The following AUTS2 variants were observed in gnomAD, a reference collection of about 807,000 sequenced individuals.
AUTS2 encodes autism susceptibility gene 2 protein.
Under a neutral mutation model 112.4 loss-of-function variants are expected in AUTS2, and 17 were observed. The ratio of observed to expected loss-of-function variants is 0.15; its 90% confidence interval spans 0.10 to 0.23. AUTS2 has a LOEUF of 0.23. Ranked by LOEUF, AUTS2 falls within the 10% of genes least tolerant of loss-of-function variation. AUTS2 has a pLI of 1.00. For missense variants in AUTS2, 1,510 were observed against 1,701.6 expected (o/e 0.89, Z 1.98); for synonymous variants, 751 against 702.7 (o/e 1.07, Z -1.09).
At chr7:70,498,756 C>A (rs1247453992) in intron 5 of AUTS2, among the ~76,000 whole-genome samples, 1 of 152,122 alleles carries the variant, frequency 6.6e-6, no homozygotes, top group Non-Finnish European at 1.5e-5. Context: ...AGGGGAACAC[C>A]AGAATGCTTG....
chr7:70,253,625 G>T (rs913652241), intron 4 of AUTS2, among the ~76,000 whole-genome samples: 1 of 152,168 alleles, frequency 6.6e-6, no homozygotes, highest in African/African-American at 2.4e-5. Context: ...CATGCCTCTA[G>T]TGAAACTACC....
At chr7:69,947,060 C>T (rs888322278) in intron 2 of AUTS2, among the ~76,000 whole-genome samples, 11 of 152,174 alleles carry the variant, frequency 7.2e-5, no homozygotes, top group Admixed American at 6.5e-5. Flanking sequence ...GTGTTACCAG[C>T]AGTGCTTGTT....
intron 6 of AUTS2, among the ~76,000 whole-genome samples, chr7:70,748,466 G>T (rs1308726919): frequency 6.6e-6 from 1 of 152,162 alleles, no homozygotes; most frequent in Non-Finnish European, 1.5e-5. Context: ...CATGGCTGGG[G>T]ATAAGTAGAT....
chr7:69,892,275 C>T (rs1404226164), intron 1 of AUTS2, among the ~76,000 whole-genome samples: 1 of 150,510 alleles, frequency 6.6e-6, no homozygotes, highest in African/African-American at 2.5e-5. Context: ...TGGGTTAAAG[C>T]GATTCTCCTG....
At chr7:70,080,061 T>C (rs1055105587) in intron 2 of AUTS2, among the ~76,000 whole-genome samples, 8 of 151,866 alleles carry the variant, frequency 5.3e-5, no homozygotes, top group African/African-American at 1.9e-4. Context: ...CTGTTGCACT[T>C]GGGGTTAAGT....
intron 6 of AUTS2, among the ~76,000 whole-genome samples, chr7:70,739,808 A>T (rs1787998251): frequency 1.0e-4 from 2 of 19,266 alleles, no homozygotes; most frequent in African/African-American, 4.6e-4. Context: ...AATTGTTAAA[A>T]AAAAAAAAAA....
intron 4 of AUTS2, among the ~76,000 whole-genome samples, chr7:70,211,602 T>A (rs1436213877): frequency 6.7e-6 from 1 of 148,974 alleles, no homozygotes. Flanking sequence ...TGAGCCGAGA[T>A]CGCGCCACTG....
At chr7:69,863,864 C>T (rs887226944) in intron 1 of AUTS2, among the ~76,000 whole-genome samples, 3 of 152,158 alleles carry the variant, frequency 2.0e-5, no homozygotes, top group Non-Finnish European at 2.9e-5. Flanking sequence ...AGGCCAGCAC[C>T]CGTTGGGTAG....
intron 4 of AUTS2, among the ~76,000 whole-genome samples, chr7:70,285,463 C>G (rs760646858): frequency 7.2e-5 from 11 of 152,112 alleles, no homozygotes; most frequent in Non-Finnish European, 1.6e-4. Flanking sequence ...GACTCTTAGG[C>G]CTGCTATTTA....
At chr7:69,630,250 C>CT (rs1794168195) in intron 1 of AUTS2, among the ~76,000 whole-genome samples, 1 of 152,148 alleles carries the variant, frequency 6.6e-6, no homozygotes, top group African/African-American at 2.4e-5. Context: ...GAGCAAGACT[C>CT]TGTCTCAAAA....
Position 70,764,935 on chromosome 7 carries a change from G to A in AUTS2, c.1398G>A (p.Leu466=), listed in dbSNP as rs1408099235. Residue 466 remains leucine (L), a synonymous_variant, in exon 8 of 19, where the codon CTG becomes CTA. Transcript: ENST00000342771. Reference sequence around the variant, plus strand: ...ATATGTTTGCCCCTCCCACTGCTCTGCCTCCTCCACCACCACTGACATCAG... The same window carrying A: ...ATATGTTTGCCCCTCCCACTGCTCTACCTCCTCCACCACCACTGACATCAG... ...HPNMFAPPTA[L]PPPPPLTSGS... 1 of 1,602,802 alleles carries A rather than the reference G, an allele frequency of 6.2e-7. No individual in the cohort carries two copies. Among genetic ancestry groups the A allele is most frequent in the Non-Finnish European group, 8.5e-7 (1 of 1,177,752 alleles).
At chr7:70,520,501 C>T (rs1342792694) in intron 5 of AUTS2, among the ~76,000 whole-genome samples, 1 of 152,198 alleles carries the variant, frequency 6.6e-6, no homozygotes, top group Non-Finnish European at 1.5e-5. Flanking sequence ...TGGCTTCCTC[C>T]TTTCATCCAG....
At chr7:70,400,120 A>T (rs1794263608) in intron 4 of AUTS2, among the ~76,000 whole-genome samples, 1 of 152,198 alleles carries the variant, frequency 6.6e-6, no homozygotes, top group Non-Finnish European at 1.5e-5. Context: ...CCAAGTGTGG[A>T]TCCTTGCAAT....
chr7:70,602,197 T>G (rs1023605909), intron 5 of AUTS2, among the ~76,000 whole-genome samples: 1 of 152,146 alleles, frequency 6.6e-6, no homozygotes, highest in South Asian at 2.1e-4. Flanking sequence ...CTCACATAGC[T>G]AGGGCCTCTG....
intron 1 of AUTS2, among the ~76,000 whole-genome samples, chr7:69,648,762 C>T (rs919066756): frequency 2.0e-5 from 3 of 152,078 alleles, no homozygotes; most frequent in Non-Finnish European, 4.4e-5. Context: ...ATTGATTATA[C>T]GTCTTACATT....
intron 1 of AUTS2, among the ~76,000 whole-genome samples, chr7:69,616,634 A>C (rs1221789012): frequency 5.3e-5 from 8 of 152,204 alleles, no homozygotes; most frequent in Non-Finnish European, 2.9e-5. Context: ...GTGAATAGTA[A>C]GTGAAATCGC....
At chr7:70,167,226 AAAAC>A (rs1299719424) in intron 4 of AUTS2, among the ~76,000 whole-genome samples, 6 of 152,188 alleles carry the variant, frequency 3.9e-5, no homozygotes, top group Admixed American at 2.6e-4. Flanking sequence ...ACTCTCAACA[AAAAC>A]AAACAAACAA....
At position 70,495,235 on chromosome 7, in the gene AUTS2, TAAAAAAAAAAAAAAAA is replaced by T. The variant is rs34861688; in HGVS notation, c.690+59463_690+59478del. Among the ~76,000 whole-genome samples, 13 of 102,770 alleles carry T rather than the reference TAAAAAAAAAAAAAAAA, an allele frequency of 1.3e-4. No individual in the cohort carries two copies. The East Asian group carries it at 3.3e-3, about 26-fold the overall frequency. 67.4% of individuals were successfully genotyped at this position (102,770 alleles called of 152,430 possible). On this transcript the variant is annotated intron_variant, in intron 5 of 18. Coordinates refer to ENST00000342771, the MANE Select transcript of AUTS2 (RefSeq NM_015570.4). ...CCTCTCCTGTGAATAACCTTTTCTT[TAAAAAAAAAAAAAAAA>T]AAAAAAAAGCTCAAGTTGAAAGTCC...
intron 2 of AUTS2, among the ~76,000 whole-genome samples, chr7:70,110,859 CTTTTTTTTTTTTTTT>C (rs71077618): frequency 1.2e-5 from 1 of 82,782 alleles, no homozygotes; most frequent in East Asian, 4.2e-4. Flanking sequence ...TTCTTTCTTT[CTTTTTTTTTTTTTTT>C]TTTTTTTTTT....
Sources: gnomAD v4.1 joint callset for allele counts (sites outside exome capture counted in the v4.1 genomes callset) on GRCh38, gnomAD v4.1.1 for gene constraint, MANE v1.5 for transcripts, NCBI Gene and HGNC (gene_info 2026-07-23, HGNC 2026-07-21) for gene names.